The following ZHX2 variants were observed in gnomAD, a reference collection of about 807,000 sequenced individuals.
The protein encoded by ZHX2 is zinc fingers and homeoboxes 2.
Under a neutral mutation model 21.9 loss-of-function variants are expected in ZHX2, and 6 were observed. That is an observed-to-expected ratio of 0.27 (90% CI 0.15 to 0.54). ZHX2 has a LOEUF of 0.54. Among genes scored for constraint, ZHX2 ranks in the 20% least tolerant of loss-of-function variants. The probability of loss-of-function intolerance (pLI) is 0.95; values close to 1 mark genes in which losing one functional copy is unlikely to be tolerated. For missense variants in ZHX2, 908 were observed against 1,090.7 expected, an observed-to-expected ratio of 0.83 and a Z score of 2.36; for synonymous variants, 434 against 437.1, an observed-to-expected ratio of 0.99 and a Z score of 0.09.
At chr8:122,969,150 G>A (rs1172659131) in intron 3 of ZHX2, among the ~76,000 whole-genome samples, 1 of 151,602 alleles carries the variant, frequency 6.6e-6, no homozygotes. Flanking sequence ...GACAGAGCAA[G>A]ACTCTGTCTC....
chr8:122,958,355 G>C (rs557535824), intron 3 of ZHX2, among the ~76,000 whole-genome samples: 1 of 152,318 alleles, frequency 6.6e-6, no homozygotes. Context: ...CCTAGGAAAA[G>C]GCTGAAAATT....
chr8:122,957,296 CAA>C (rs34314877), intron 3 of ZHX2, among the ~76,000 whole-genome samples: 8 of 110,346 alleles, frequency 7.2e-5, no homozygotes, highest in Admixed American at 9.6e-5. Context: ...GCTGTGTTCA[CAA>C]AAAAAAAAAA....
chr8:122,969,210 C>G (rs1248262647), intron 3 of ZHX2, among the ~76,000 whole-genome samples: 1 of 151,696 alleles, frequency 6.6e-6, no homozygotes, highest in East Asian at 1.9e-4. Flanking sequence ...CAGAAATAGA[C>G]AGTGGAGTGA....
At chr8:122,786,170 G>C (rs1472622093) in intron 1 of ZHX2, among the ~76,000 whole-genome samples, 1 of 152,168 alleles carries the variant, frequency 6.6e-6, no homozygotes, top group Non-Finnish European at 1.5e-5. Context: ...AATTCAGTTA[G>C]TGGGACTGGA....
chr8:122,954,111 G>A, intron 3 of ZHX2, 83 bp downstream of exon 3: 1 of 1,262,690 alleles, frequency 7.9e-7, no homozygotes, highest in Non-Finnish European at 1.1e-6. Flanking sequence ...AGATTGTAGG[G>A]TACAGAGATG....
At chr8:122,878,703 A>G (rs1819626390) in intron 2 of ZHX2, among the ~76,000 whole-genome samples, 1 of 152,210 alleles carries the variant, frequency 6.6e-6, no homozygotes, top group Non-Finnish European at 1.5e-5. Flanking sequence ...ACAAGGTGAC[A>G]TGTCAAAAGG....
intron 2 of ZHX2, among the ~76,000 whole-genome samples, chr8:122,899,983 G>A (rs764315882): frequency 8.9e-4 from 136 of 152,294 alleles, no homozygotes; most frequent in South Asian, 4.6e-3. Flanking sequence ...GATGTAAATG[G>A]AAAGATGAAC....
chr8:122,861,481 C>T (rs1819166050), intron 1 of ZHX2, among the ~76,000 whole-genome samples: 1 of 152,168 alleles, frequency 6.6e-6, no homozygotes, highest in Non-Finnish European at 1.5e-5. Context: ...ACTGGTCATG[C>T]ACCCTGCATG....
intron 3 of ZHX2, among the ~76,000 whole-genome samples, chr8:122,970,267 T>G (rs557482719): frequency 2.0e-5 from 3 of 152,206 alleles, no homozygotes; most frequent in African/African-American, 4.8e-5. Flanking sequence ...ACAGCAATCC[T>G]GAAATGTGGA....
At chr8:122,807,453 A>G (rs1817846042) in intron 1 of ZHX2, among the ~76,000 whole-genome samples, 1 of 152,210 alleles carries the variant, frequency 6.6e-6, no homozygotes, top group Admixed American at 6.5e-5. Flanking sequence ...GTAGAAATAG[A>G]AAAATAGAGT....
At chr8:122,906,666 CTTTTTTT>C (rs771349214) in intron 2 of ZHX2, among the ~76,000 whole-genome samples, 2 of 123,428 alleles carry the variant, frequency 1.6e-5, no homozygotes, top group Non-Finnish European at 3.3e-5. Flanking sequence ...ACATAATTTC[CTTTTTTT>C]TTTTTTTTTT....
chr8:122,886,236 T>C (rs1345046670), intron 2 of ZHX2, among the ~76,000 whole-genome samples: 1 of 152,218 alleles, frequency 6.6e-6, no homozygotes, highest in East Asian at 1.9e-4. Flanking sequence ...CTAAAAAGGC[T>C]AGATACTGTA....
At chr8:122,820,287 G>T in intron 1 of ZHX2, among the ~76,000 whole-genome samples, 1 of 152,150 alleles carries the variant, frequency 6.6e-6, no homozygotes, top group Middle Eastern at 3.2e-3. Flanking sequence ...AGCAGAGCTG[G>T]CCCTGCCTTT....
chr8:122,895,733 A>T (rs1046803689), intron 2 of ZHX2, among the ~76,000 whole-genome samples: 3 of 149,992 alleles, frequency 2.0e-5, no homozygotes, highest in Non-Finnish European at 4.4e-5. Context: ...CAATTTGGAT[A>T]TGGTGTGGGG....
intron 3 of ZHX2, among the ~76,000 whole-genome samples, chr8:122,969,390 T>C (rs1813664513): frequency 1.3e-5 from 2 of 152,256 alleles, no homozygotes; most frequent in African/African-American, 4.8e-5. Flanking sequence ...TCTCATGTTA[T>C]ATCCTTACCT....
At chr8:122,850,176 T>C (rs182599947) in intron 1 of ZHX2, among the ~76,000 whole-genome samples, 1 of 152,120 alleles carries the variant, frequency 6.6e-6, no homozygotes, top group Admixed American at 6.5e-5. Context: ...CCAAAATAGA[T>C]CTCCAACCCA....
chr8:122,957,817 G>A (rs996882208), intron 3 of ZHX2, among the ~76,000 whole-genome samples: 7 of 152,032 alleles, frequency 4.6e-5, no homozygotes, highest in Admixed American at 3.3e-4. Flanking sequence ...CTGCACTAGG[G>A]GTGGCATTGA....
intron 2 of ZHX2, among the ~76,000 whole-genome samples, chr8:122,910,865 A>G (rs1319201508): frequency 6.6e-6 from 1 of 152,176 alleles, no homozygotes; most frequent in Admixed American, 6.5e-5. Flanking sequence ...ACGAAGCACA[A>G]ATTCAAACAA....
chr8:122,950,027 G>C (rs577343041), intron 2 of ZHX2, among the ~76,000 whole-genome samples: 138 of 152,254 alleles, frequency 9.1e-4, no homozygotes, highest in African/African-American at 3.2e-3. Context: ...GCTGGATCCA[G>C]CTGTATAGGC....
Sources: gnomAD v4.1 joint callset for allele counts (sites outside exome capture counted in the v4.1 genomes callset) on GRCh38, gnomAD v4.1.1 for gene constraint, MANE v1.5 for transcripts, NCBI Gene and HGNC (gene_info 2026-07-23, HGNC 2026-07-21) for gene names.